Variants in CAPN11 observed in about 807,000 individuals in gnomAD.
CAPN11 encodes calpain 11.
In CAPN11, 108 loss-of-function variants were observed where a neutral mutation model predicts 105.3. The ratio of observed to expected loss-of-function variants is 1.03; its 90% CI spans 0.88 to 1.20. The LOEUF is 1.20. CAPN11 is among the 50% of genes most tolerant of loss of function. CAPN11 has a pLI of 0.00. For synonymous variants in CAPN11, 329 were observed against 344.5 expected (o/e 0.96, Z 0.50); for missense variants, 883 against 924.8 (o/e 0.95, Z 0.59).
At chr6:44,180,350 G>A in intron 14 of CAPN11, 110 bp from the exon 15 acceptor site, 2 of 1,074,506 alleles carry the variant, frequency 1.9e-6, no homozygotes, top group Non-Finnish European at 2.8e-6. Context: ...CATATTCCAT[G>A]GAGCTGCCCT....
chr6:44,166,629 C>A, intron 1 of CAPN11, 129 bp from the exon 2 acceptor site: 1 of 694,788 alleles, frequency 1.4e-6, no homozygotes, highest in Non-Finnish European at 2.5e-6. Context: ...CTGCTGCCCT[C>A]CCTGTAGCTG....
At chr6:44,175,920 C>G in intron 7 of CAPN11, 148 bp from the exon 8 acceptor site, 1 of 596,804 alleles carries the variant, frequency 1.7e-6, no homozygotes, top group African/African-American at 1.8e-5. Flanking sequence ...GCATGTGAAT[C>G]TGCAATTATT....
chr6:44,169,542 G>A lies in CAPN11; in HGVS notation c.339+11G>A, dbSNP rs1770601861. ...TGGCAGCGGCCCAAGGTGGGCACTG[G>A]AAGGGAGGCATGGACTCATGGATGG... On this transcript the variant is annotated intron_variant, in intron 3 of 22. Coordinates refer to ENST00000398776, the MANE Select transcript of CAPN11 (RefSeq NM_007058.4). 6.4e-7 allele frequency: 1 copy of A among 1,552,456 alleles called. No homozygotes were observed. The highest frequency in any genetic ancestry group is 8.7e-7 in the Non-Finnish European group (1 of 1,148,416).
chr6:44,174,616 CTTT>C (rs56119973), intron 7 of CAPN11, among the ~76,000 whole-genome samples: 25 of 81,480 alleles, frequency 3.1e-4, no homozygotes, highest in Admixed American at 8.5e-4. Context: ...TCACGATATT[CTTT>C]TTTTTTTTTT....
rs764377429 is a variant in CAPN11, at chr6:44,180,454, G to C, written c.1641-6G>C. On this transcript the variant is annotated splice_region_variant and splice_polypyrimidine_tract_variant and intron_variant, in intron 14 of 22. Transcript: ENST00000398776. Reference sequence around the variant, plus strand: ...TAACTCTTGAGCTTTCAATCATTTTGCCCAGGGAATTGGATGAAGTCAACT... The same window carrying C: ...TAACTCTTGAGCTTTCAATCATTTTCCCCAGGGAATTGGATGAAGTCAACT... 19 of 1,582,768 alleles carry C rather than the reference G, an allele frequency of 1.2e-5. 1 individual carries two copies. In the South Asian group the frequency reaches 2.0e-4, roughly 17 times the overall value.
chr6:44,184,100 G>A lies in CAPN11; in HGVS notation c.*168G>A. 1.5e-6 allele frequency: 1 copy of A among 676,202 alleles called. No individual in the cohort carries two copies. Among genetic ancestry groups the A allele is most frequent in the Non-Finnish European group, 2.5e-6 (1 of 396,078 alleles). The allele number at this position is 676,202 out of a possible 1,614,324, so 41.9% of individuals were successfully genotyped here. ...GGTGCCGTGTTTACTGCAGCAGTGGGACCTCCGTGCCCACTCCCCCAGCTC... is the reference window on the plus strand; with the variant it reads ...GGTGCCGTGTTTACTGCAGCAGTGGAACCTCCGTGCCCACTCCCCCAGCTC... On this transcript the variant is annotated 3_prime_UTR_variant, in exon 23 of 23. Transcript: ENST00000398776.
chr6:44,179,739 C>A (rs1772809620), intron 13 of CAPN11, 109 bp downstream of exon 13: 1 of 1,220,214 alleles, frequency 8.2e-7, no homozygotes, highest in South Asian at 1.2e-5. Flanking sequence ...CTGGGGGTCA[C>A]TGGGTTAGGA....
At chr6:44,181,615 TCA>T (rs199904683) in intron 19 of CAPN11, among the ~76,000 whole-genome samples, 3 of 6,220 alleles carry the variant, frequency 4.8e-4, no homozygotes, top group African/African-American at 2.6e-3. Flanking sequence ...CACACCACAC[TCA>T]CACACACACA....
intron 8 of CAPN11, 37 bp from the exon 9 acceptor site, chr6:44,176,216 C>G (rs1199058655): frequency 7.3e-7 from 1 of 1,365,242 alleles, no homozygotes; most frequent in East Asian, 2.7e-5. Context: ...CTCCCTGACC[C>G]CATAACTCTG....
At chr6:44,179,778 T>C in intron 13 of CAPN11, 148 bp downstream of exon 13, 2 of 972,104 alleles carry the variant, frequency 2.1e-6, no homozygotes, top group Non-Finnish European at 1.6e-6. Flanking sequence ...CTGGTAGGGG[T>C]CGGGAAAGGA....
At chr6:44,168,779 C>T (rs1014266155) in intron 2 of CAPN11, among the ~76,000 whole-genome samples, 9 of 151,964 alleles carry the variant, frequency 5.9e-5, no homozygotes, top group Admixed American at 2.0e-4. Context: ...GCCCCCACAC[C>T]CGGCTAATTT....
chr6:44,166,934 T>G, intron 2 of CAPN11, 105 bp downstream of exon 2: 3 of 529,290 alleles, frequency 5.7e-6, no homozygotes, highest in East Asian at 5.1e-5. Flanking sequence ...TCAGTCATGT[T>G]GTGTGGGGAG....
At chr6:44,175,816 G>A (rs1044757564) in intron 7 of CAPN11, among the ~76,000 whole-genome samples, 6 of 151,974 alleles carry the variant, frequency 3.9e-5, no homozygotes, top group Non-Finnish European at 8.8e-5. Context: ...AAACGTTCTA[G>A]TTTTGATATT....
intron 1 of CAPN11, among the ~76,000 whole-genome samples, chr6:44,165,537 G>C (rs1474885239): frequency 6.6e-5 from 10 of 152,226 alleles, no homozygotes. Flanking sequence ...GATGCTAAGA[G>C]GGTGCAGTAG....
intron 1 of CAPN11, chr6:44,161,905 A>G: frequency 2.2e-6 from 1 of 456,170 alleles, no homozygotes; most frequent in Admixed American, 2.3e-5. Flanking sequence ...GAATGACCTT[A>G]GATGATTCGC....
At chr6:44,163,142 C>T (rs1186378458) in intron 1 of CAPN11, among the ~76,000 whole-genome samples, 8 of 152,288 alleles carry the variant, frequency 5.3e-5, no homozygotes, top group East Asian at 1.9e-4. Flanking sequence ...GAAACACCCT[C>T]GCAGGTAGAA....
chr6:44,169,811 G>T, intron 3 of CAPN11, 95 bp from the exon 4 acceptor site: 1 of 1,010,196 alleles, frequency 9.9e-7, no homozygotes, highest in Non-Finnish European at 1.5e-6. Context: ...TGTTCCCCTG[G>T]AACTTCAAGG....
Position 44,173,259 on chromosome 6 carries a change from T to C in CAPN11, c.704T>C (p.Met235Thr). The C allele has an allele frequency of 1.9e-6, 3 of 1,613,860 alleles. No individual in the cohort carries two copies. Among genetic ancestry groups the C allele is most frequent in the South Asian group, 2.2e-5 (2 of 91,080 alleles). Residue 235 changes from methionine to threonine, a missense_variant, in exon 7 of 23, where the codon ATG becomes ACG. Physicochemically the swap from Met to Thr is moderately conservative, Grantham distance 81. Coordinates refer to ENST00000398776, the MANE Select transcript of CAPN11 (RefSeq NM_007058.4). ...SYEALSGGST[M>T]EGLEDFTGGV... The stretch of plus-strand genomic sequence containing the variant: ...GAAGCATTGTCAGGGGGCAGTACCA[T>C]GGAGGGCCTTGAGGACTTCACAGGA...
rs1394766354 is a variant in CAPN11 at position 44,172,879 on chromosome 6, C to T, written c.529-61C>T. The T allele has an allele frequency of 3.2e-6, 5 of 1,563,366 alleles. No individual in the cohort carries two copies. In the East Asian group the frequency reaches 9.2e-5, roughly 29 times the overall value. ...GACACTGGCGTGTCATCAGGTCTGG[C>T]CACTAGGAGGCGCTTGATGATAGGG... On this transcript the variant is annotated intron_variant, in intron 5 of 22. Coordinates refer to ENST00000398776, the MANE Select transcript of CAPN11 (RefSeq NM_007058.4).
Sources: gnomAD v4.1 joint callset for allele counts (sites outside exome capture counted in the v4.1 genomes callset) on GRCh38, gnomAD v4.1.1 for gene constraint, MANE v1.5 for transcripts, NCBI Gene and HGNC (gene_info 2026-07-23, HGNC 2026-07-21) for gene names.